Variants in BIN1 observed in about 807,000 individuals in gnomAD.
BIN1 encodes myc box-dependent-interacting protein 1.
Under a neutral mutation model 82.0 loss-of-function variants are expected in BIN1, and 53 were observed. That is an observed-to-expected ratio of 0.65 (90% CI 0.52 to 0.81). The LOEUF (loss-of-function observed/expected upper bound fraction) is 0.81, where lower values mean the gene tolerates loss of function less well. Among genes scored for constraint, BIN1 ranks in the 40% least tolerant of loss-of-function variants. The pLI is 0.00. For missense variants in BIN1, 642 were observed against 784.4 expected (o/e 0.82, Z 2.17); for synonymous variants, 302 against 328.0 (o/e 0.92, Z 0.86).
Position 127,106,861 on chromosome 2 carries a change from T to G in BIN1, c.83A>C (p.Lys28Thr). ...CTGCTGGGGCTCCGGCTCGCTCACC[T>G]TCTCCTGCGCGCGGGTGAGCTTCTT... ...VQKKLTRAQEKVLQKLGKADE... is the reference protein window; with the variant it reads ...VQKKLTRAQETVLQKLGKADE... The change falls in exon 1 of 19, where the codon AAG (lysine) becomes ACG (threonine). Residue 28 changes from lysine to threonine, a missense_variant and splice_region_variant. Coordinates refer to ENST00000316724, the MANE Select transcript of BIN1 (RefSeq NM_139343.3). The G allele has an allele frequency of 6.2e-7, 1 of 1,606,910 alleles. No individual in the cohort carries two copies. Among genetic ancestry groups the G allele is most frequent in the Admixed American group, 1.7e-5 (1 of 59,768 alleles).
At position 127,050,405 on chromosome 2, in the gene BIN1, C is replaced by G. The variant is rs1682759106; in HGVS notation, c.1674+16G>C. ...TGTGGTCCCCCTGCGCTCTGGCGGC[C>G]CCACCCAGCCCTCACCTGCTCTTCA... On this transcript the variant is annotated intron_variant, in intron 18 of 18. Coordinates refer to ENST00000316724, the MANE Select transcript of BIN1 (RefSeq NM_139343.3). The G allele has an allele frequency of 1.2e-6, 2 of 1,613,736 alleles. No homozygotes were observed. The highest frequency in any genetic ancestry group is 1.7e-6 in the Non-Finnish European group (2 of 1,179,862).
intron 2 of BIN1, among the ~76,000 whole-genome samples, chr2:127,072,621 GAA>G (rs67215867): frequency 0.062 from 9,220 of 148,952 alleles, 417 homozygotes; most frequent in South Asian, 0.16. Flanking sequence ...GAGCATGTGT[GAA>G]AAAAAAAAAA....
rs1411913882 is a variant in BIN1, at chr2:127,063,989, C to G, written c.642G>C (p.Lys214Asn). The G allele has an allele frequency of 2.5e-6, 4 of 1,613,924 alleles. No individual in the cohort carries two copies. The highest frequency in any genetic ancestry group is 2.5e-6 in the Non-Finnish European group (3 of 1,180,006). The change falls in exon 8 of 19, where the codon AAG (lysine) becomes AAC (asparagine). Residue 214 changes from lysine (K) to asparagine (N), a missense_variant. Lys to Asn is a moderately conservative substitution (Grantham distance 94). Coordinates refer to ENST00000316724, the MANE Select transcript of BIN1 (RefSeq NM_139343.3). ...GATCCACATTCATCTCCTCAAACAC[C>G]TTCTGGGCTTTGATGAGCTCCTCCT... ...QAEEELIKAQKVFEEMNVDLQ... is the reference protein window; with the variant it reads ...QAEEELIKAQNVFEEMNVDLQ...
At chr2:127,084,171 G>C (rs1192170428) in intron 1 of BIN1, among the ~76,000 whole-genome samples, 1 of 152,194 alleles carries the variant, frequency 6.6e-6, no homozygotes, top group African/African-American at 2.4e-5. Flanking sequence ...TGCTGAACCA[G>C]AGTGTTCCCT....
In BIN1 at chr2:127,063,554, G is replaced by A. The variant is rs372794739; in HGVS notation, c.774+17C>T. The stretch of plus-strand genomic sequence containing the variant: ...CAGGGTGGGGTGTGGCCCCTCAGAG[G>A]GGTCCCCATGGCCTACCTTGCTCAT... On this transcript the variant is annotated intron_variant, in intron 9 of 18. Coordinates refer to ENST00000316724, the MANE Select transcript of BIN1 (RefSeq NM_139343.3). 6 of 1,612,716 alleles carry A rather than the reference G, an allele frequency of 3.7e-6. No homozygotes were observed. The African/African-American group carries it at 8.0e-5, about 22-fold the overall frequency.
At chr2:127,095,776 C>T (rs1331279885) in intron 1 of BIN1, among the ~76,000 whole-genome samples, 1 of 152,198 alleles carries the variant, frequency 6.6e-6, no homozygotes, top group Non-Finnish European at 1.5e-5. Context: ...ACCTACCTCA[C>T]AGGGCACAGA....
chr2:127,052,825 C>T (rs1004196250), intron 14 of BIN1: 1 of 252,460 alleles, frequency 4.0e-6, no homozygotes, highest in Non-Finnish European at 7.8e-6. Flanking sequence ...CTACCATGAC[C>T]AGTTCTTGGG....
At chr2:127,060,131 C>T (rs1215907317) in intron 10 of BIN1, among the ~76,000 whole-genome samples, 1 of 152,074 alleles carries the variant, frequency 6.6e-6, no homozygotes, top group East Asian at 1.9e-4. Flanking sequence ...AGTGGAACAG[C>T]GTAAGAGATG....
intron 1 of BIN1, among the ~76,000 whole-genome samples, chr2:127,106,236 G>A (rs1681103134): frequency 6.6e-6 from 1 of 152,236 alleles, no homozygotes; most frequent in Non-Finnish European, 1.5e-5. Context: ...CGTAGCCCTG[G>A]GCTCCCGGTG....
chr2:127,107,045 T>C lies in BIN1; in HGVS notation c.-102A>G. On this transcript the variant is annotated 5_prime_UTR_variant, in exon 1 of 19. Transcript: ENST00000316724. The surrounding 1 kb of genome is among the most constrained non-coding windows in gnomAD (Gnocchi z 5.9). ...GCCCCGGCCGCGCGTCCAGACCGGC[T>C]GCCGCTCCACGCCGCGCACCCGACA... The C allele has an allele frequency of 8.3e-7, 1 of 1,209,618 alleles. No homozygotes were observed. Among genetic ancestry groups the C allele is most frequent in the Non-Finnish European group, 1.1e-6 (1 of 931,516 alleles). The allele number at this position is 1,209,618 out of a possible 1,614,324, so 74.9% of individuals were successfully genotyped here.
intron 1 of BIN1, among the ~76,000 whole-genome samples, chr2:127,098,553 C>G (rs947114259): frequency 2.6e-5 from 4 of 152,184 alleles, no homozygotes; most frequent in Non-Finnish European, 5.9e-5. Context: ...CCAACCACCC[C>G]ACCCCCACGC....
intron 15 of BIN1, 89 bp from the exon 16 acceptor site, chr2:127,051,332 C>T (rs1682920680): frequency 2.9e-6 from 4 of 1,385,626 alleles, no homozygotes; most frequent in Non-Finnish European, 3.0e-6. Context: ...AGCACCCAAG[C>T]GACAGGGCCG....
Position 127,057,664 on chromosome 2 carries a change from GAGAC to G in BIN1, c.1003-67_1003-64del, listed in dbSNP as rs1018656127. 9 of 1,441,536 alleles carry G rather than the reference GAGAC, an allele frequency of 6.2e-6. No individual in the cohort carries two copies. The highest frequency in any genetic ancestry group is 2.5e-4 in the Middle Eastern group (1 of 3,932). The allele number at this position is 1,441,536 out of a possible 1,614,324, so 89.3% of individuals were successfully genotyped here. The stretch of plus-strand genomic sequence containing the variant: ...GCACAGCAGAGCACGGGGTTTGGGG[GAGAC>G]AGACAGAGACAAAGCCACGGTTAGT... On this transcript the variant is annotated intron_variant, in intron 11 of 18. Coordinates refer to ENST00000316724, the MANE Select transcript of BIN1 (RefSeq NM_139343.3). This position sits in a 1 kb window ranked among gnomAD's most constrained non-coding sequence, Gnocchi z 5.0.
At chr2:127,064,360 G>C (rs1684883490) in intron 7 of BIN1, among the ~76,000 whole-genome samples, 1 of 152,202 alleles carries the variant, frequency 6.6e-6, no homozygotes, top group Non-Finnish European at 1.5e-5. Context: ...GCAGACCCCA[G>C]ACCCAGCCAA....
intron 1 of BIN1, among the ~76,000 whole-genome samples, chr2:127,091,063 G>C (rs1427706960): frequency 6.6e-6 from 1 of 152,124 alleles, no homozygotes; most frequent in African/African-American, 2.4e-5. Flanking sequence ...CATGACACTG[G>C]AACTAGTAAA....
intron 1 of BIN1, 119 bp downstream of exon 1, chr2:127,106,741 G>C: frequency 7.7e-7 from 1 of 1,300,118 alleles, no homozygotes; most frequent in East Asian, 2.6e-5. Flanking sequence ...CTCCTCTAGA[G>C]GTGACAGCAC....
intron 1 of BIN1, among the ~76,000 whole-genome samples, chr2:127,095,954 TGA>T (rs1277807983): frequency 6.6e-6 from 1 of 152,208 alleles, no homozygotes; most frequent in Non-Finnish European, 1.5e-5. Flanking sequence ...CTTGTTTTGC[TGA>T]GAGAGGAGTC....
In BIN1 at chr2:127,057,443, G is replaced by A. The variant is rs371516743; in HGVS notation, c.1131+30C>T. 3.9e-4 allele frequency: 595 copies of A among 1,537,644 alleles called. No individual in the cohort carries two copies. Among genetic ancestry groups the A allele is most frequent in the Admixed American group, 5.4e-4 (27 of 50,184 alleles). ...ACGCCCTGAGAGGGCAGGAAGAGAG[G>A]AGAGCTGGGCCGCGGCGGCCGCGGC... On this transcript the variant is annotated intron_variant, in intron 12 of 18. Transcript: ENST00000316724. The surrounding 1 kb of genome is among the most constrained non-coding windows in gnomAD (Gnocchi z 5.0).
intron 1 of BIN1, among the ~76,000 whole-genome samples, chr2:127,092,142 C>T (rs573366437): frequency 6.6e-6 from 1 of 152,246 alleles, no homozygotes; most frequent in African/African-American, 2.4e-5. Flanking sequence ...CCTGCCCCTG[C>T]CCCAGGCCCT....
Sources: allele counts gnomAD v4.1 joint callset (sites outside exome capture counted in the v4.1 genomes callset), GRCh38; gene constraint gnomAD v4.1.1; non-coding constraint Gnocchi (gnomAD v3.1); transcripts MANE v1.5; gene names NCBI Gene and HGNC (gene_info 2026-07-23, HGNC 2026-07-21).